The following SYNPO2 variants were observed in gnomAD, a reference collection of about 807,000 sequenced individuals.
SYNPO2 encodes synaptopodin 2.
A neutral mutation model predicts 85.0 loss-of-function variants in SYNPO2; 56 were observed. That is an observed-to-expected ratio of 0.66 (90% CI 0.53 to 0.82). The LOEUF is 0.82. Among genes scored for constraint, SYNPO2 ranks in the 40% least tolerant of loss-of-function variants. The pLI, the probability that SYNPO2 is intolerant of heterozygous loss-of-function variation, is 0.00. For synonymous variants in SYNPO2, 602 were observed against 591.1 expected, an observed-to-expected ratio of 1.02 and a Z score of -0.27; for missense variants, 1,575 against 1,534.2, an observed-to-expected ratio of 1.03 and a Z score of -0.44.
intron 1 of SYNPO2, among the ~76,000 whole-genome samples, chr4:118,906,062 A>G (rs1425999442): frequency 6.6e-6 from 1 of 152,192 alleles, no homozygotes; most frequent in Non-Finnish European, 1.5e-5. Context: ...TGATTAACAT[A>G]TGCCACATAA....
At chr4:118,968,243 G>A (rs1312774138) in intron 1 of SYNPO2, among the ~76,000 whole-genome samples, 1 of 152,216 alleles carries the variant, frequency 6.6e-6, no homozygotes, top group African/African-American at 2.4e-5. Context: ...AGTTGCTGCA[G>A]GGTCAGGAGA....
rs769875853 is a variant in SYNPO2 at position 119,030,370 on chromosome 4, C to A, written c.1595C>A (p.Thr532Asn). The A allele has an allele frequency of 3.7e-6, 6 of 1,613,988 alleles. No homozygotes were observed. The highest frequency in any genetic ancestry group is 3.3e-4 in the Middle Eastern group (2 of 6,084). Residue 532 changes from threonine to asparagine, a missense_variant, in exon 4 of 5, where the codon ACC becomes AAC. This residue lies in a region of SYNPO2 where 1,508 missense variants were observed against 1,446.8 expected (regional missense o/e 1.04). Coordinates refer to ENST00000307142, the MANE Select transcript of SYNPO2 (RefSeq NM_133477.3). Reference protein sequence around the residue: ...QDAAQTDGLRTTTSYQRKEEE... With the variant: ...QDAAQTDGLRNTTSYQRKEEE... ...GCTGCCCAGACCGATGGCCTGAGAA[C>A]CACGACTTCTTACCAAAGAAAGGAG...
intron 1 of SYNPO2, among the ~76,000 whole-genome samples, chr4:118,855,473 A>C (rs1357056821): frequency 6.6e-6 from 1 of 152,128 alleles, no homozygotes; most frequent in African/African-American, 2.4e-5. Context: ...TTCTCAATTT[A>C]GGATTACTTT....
At chr4:118,951,237 G>A (rs1055671182) in intron 1 of SYNPO2, among the ~76,000 whole-genome samples, 1 of 152,160 alleles carries the variant, frequency 6.6e-6, no homozygotes, top group Non-Finnish European at 1.5e-5. Flanking sequence ...GGTGCCAGCA[G>A]GTATCTGTCT....
At chr4:118,882,996 C>T (rs937705960) in intron 1 of SYNPO2, among the ~76,000 whole-genome samples, 1 of 151,228 alleles carries the variant, frequency 6.6e-6, no homozygotes, top group East Asian at 1.9e-4. Flanking sequence ...CTCCTGACCT[C>T]GTGATCCGCC....
At chr4:118,966,105 T>A (rs1239813221) in intron 1 of SYNPO2, among the ~76,000 whole-genome samples, 1 of 151,958 alleles carries the variant, frequency 6.6e-6, no homozygotes, top group Admixed American at 6.6e-5. Flanking sequence ...CTATTGTGGA[T>A]TATGGAAAGC....
At chr4:119,012,363 T>G (rs1338227117) in intron 1 of SYNPO2, among the ~76,000 whole-genome samples, 1 of 137,670 alleles carries the variant, frequency 7.3e-6, no homozygotes, top group Non-Finnish European at 1.5e-5. Flanking sequence ...GTTCCTTTTT[T>G]TTCCCCCTTT....
chr4:118,852,805 A>G (rs1292757407), intron 1 of SYNPO2, among the ~76,000 whole-genome samples: 1 of 152,190 alleles, frequency 6.6e-6, no homozygotes, highest in Non-Finnish European at 1.5e-5. Flanking sequence ...TAATCTGTAC[A>G]ACAAACCCCA....
chr4:118,937,792 G>C (rs1200607504), intron 1 of SYNPO2, among the ~76,000 whole-genome samples: 1 of 152,188 alleles, frequency 6.6e-6, no homozygotes, highest in African/African-American at 2.4e-5. Context: ...ATGGTTATTA[G>C]TACAGTTGTC....
chr4:118,880,563 G>C (rs1043270901), intron 1 of SYNPO2, among the ~76,000 whole-genome samples: 1 of 151,804 alleles, frequency 6.6e-6, no homozygotes, highest in Admixed American at 6.6e-5. Flanking sequence ...GCCTGGCCAA[G>C]ATGGTGAAAC....
At chr4:118,951,515 G>T (rs1198655739) in intron 1 of SYNPO2, among the ~76,000 whole-genome samples, 2 of 152,184 alleles carry the variant, frequency 1.3e-5, no homozygotes, top group African/African-American at 4.8e-5. Flanking sequence ...GACAATGCCA[G>T]TACATGAAGA....
At chr4:118,930,632 A>G (rs1360337423) in intron 1 of SYNPO2, among the ~76,000 whole-genome samples, 2 of 151,580 alleles carry the variant, frequency 1.3e-5, no homozygotes, top group East Asian at 1.9e-4. Flanking sequence ...CAAATAGCAT[A>G]TGCTGGGTGA....
At chr4:119,047,675 G>T (rs934489047) in intron 4 of SYNPO2, among the ~76,000 whole-genome samples, 2 of 152,172 alleles carry the variant, frequency 1.3e-5, no homozygotes, top group Non-Finnish European at 2.9e-5. Flanking sequence ...AAGCTTGATT[G>T]TATCTAAACC....
chr4:118,970,391 C>G (rs1485935722), intron 1 of SYNPO2, among the ~76,000 whole-genome samples: 1 of 152,190 alleles, frequency 6.6e-6, no homozygotes, highest in Non-Finnish European at 1.5e-5. Context: ...TGTTTCTGAT[C>G]AAGATCTATG....
chr4:118,906,731 C>A (rs770985111), intron 1 of SYNPO2, among the ~76,000 whole-genome samples: 1 of 151,986 alleles, frequency 6.6e-6, no homozygotes, highest in Non-Finnish European at 1.5e-5. Flanking sequence ...TTAGTGTGTA[C>A]CTTACTAGAT....
intron 1 of SYNPO2, among the ~76,000 whole-genome samples, chr4:118,920,825 T>C (rs1733507445): frequency 1.3e-5 from 2 of 152,132 alleles, no homozygotes; most frequent in African/African-American, 4.8e-5. Context: ...GTGGGCAAAC[T>C]GGCCAAATCA....
rs188715496 is a variant in SYNPO2 at position 118,995,892 on chromosome 4, A to G, written c.106-27538A>G. ...TATCTATCTATCTATCTATCTATCT[A>G]TCTATCTATCTATCATCTATCTAAT... On this transcript the variant is annotated intron_variant, in intron 1 of 4. Coordinates refer to ENST00000307142, the MANE Select transcript of SYNPO2 (RefSeq NM_133477.3). 1.6e-3 allele frequency among the ~76,000 whole-genome samples: 240 copies of G among 150,862 alleles called. 2 individuals are homozygous for G. The Middle Eastern group carries it at 0.034, about 21-fold the overall frequency.
Position 118,890,733 on chromosome 4 carries a change from C to CTCTCTCTCTCTGTG in SYNPO2, c.105+1593_105+1594insCTCTCTCTCTGTGT, listed in dbSNP as rs749295331. Reference sequence around the variant, plus strand: ...TCTCTCTCTCTCTCTCTCTCTCTCTCTGTGTGTGTGTGTGTGTGTGTGTAG... The same window carrying CTCTCTCTCTCTGTG: ...TCTCTCTCTCTCTCTCTCTCTCTCTCTCTCTCTCTCTGTGTGTGTGTGTGTGTGTGTGTGTGTAG... On this transcript the variant is annotated intron_variant, in intron 1 of 4. Transcript: ENST00000307142. Among the ~76,000 whole-genome samples, 585 of 126,142 alleles carry CTCTCTCTCTCTGTG rather than the reference C, an allele frequency of 4.6e-3. 3 individuals carry two copies. The highest frequency in any genetic ancestry group is 8.3e-3 in the African/African-American group (276 of 33,378). 82.8% of individuals were successfully genotyped at this position (126,142 alleles called of 152,430 possible).
intron 1 of SYNPO2, among the ~76,000 whole-genome samples, chr4:118,964,893 TC>T (rs1203649120): frequency 6.6e-6 from 1 of 152,154 alleles, no homozygotes; most frequent in Non-Finnish European, 1.5e-5. Flanking sequence ...ACATAGTGTG[TC>T]CCAGGTGTTA....
Sources: gnomAD v4.1 joint callset for allele counts (sites outside exome capture counted in the v4.1 genomes callset) on GRCh38, gnomAD v4.1.1 for gene constraint, gnomAD v4.1.1 regional missense constraint, MANE v1.5 for transcripts, NCBI Gene and HGNC (gene_info 2026-07-23, HGNC 2026-07-21) for gene names.